The following UBE2R2 variants were observed in gnomAD, a reference collection of about 807,000 sequenced individuals.
UBE2R2 encodes the protein ubiquitin conjugating enzyme E2 R2.
Under a neutral mutation model 27.8 loss-of-function variants are expected in UBE2R2, and 1 was observed. That is an observed-to-expected ratio of 0.04 (90% confidence interval 0.01 to 0.17). The LOEUF (loss-of-function observed/expected upper bound fraction) is 0.17, where lower values mean the gene tolerates loss of function less well. UBE2R2 is among the 10% of genes least tolerant of loss of function. UBE2R2 has a pLI of 1.00. For synonymous variants in UBE2R2, 106 were observed against 113.3 expected, an observed-to-expected ratio of 0.94 and a Z score of 0.41; for missense variants, 100 against 291.0, an observed-to-expected ratio of 0.34 and a Z score of 4.78.
chr9:33,843,411 T>C (rs922868835), intron 1 of UBE2R2, among the ~76,000 whole-genome samples: 1 of 151,440 alleles, frequency 6.6e-6, no homozygotes, highest in Non-Finnish European at 1.5e-5. Flanking sequence ...ATGCAGCAAG[T>C]AGAAAAAAAG....
At chr9:33,837,665 T>C (rs1294761381) in intron 1 of UBE2R2, among the ~76,000 whole-genome samples, 2 of 151,988 alleles carry the variant, frequency 1.3e-5, no homozygotes, top group South Asian at 2.1e-4. Context: ...GCTCAATTGA[T>C]CTACCTGCCT....
intron 1 of UBE2R2, among the ~76,000 whole-genome samples, chr9:33,859,799 T>TGTGTGTGTGAGA (rs766779268): frequency 7.2e-4 from 62 of 86,582 alleles, no homozygotes; most frequent in East Asian, 3.8e-3. Context: ...TGTGTGTGTG[T>TGTGTGTGTGAGA]GAGAGAGAGA....
At chr9:33,861,844 T>A (rs1319920805) in intron 1 of UBE2R2, among the ~76,000 whole-genome samples, 1 of 148,888 alleles carries the variant, frequency 6.7e-6, no homozygotes, top group African/African-American at 2.4e-5. Context: ...GTTGATCCAC[T>A]TTCTTTTTTT....
chr9:33,871,617 A>G (rs1821485523), intron 1 of UBE2R2, among the ~76,000 whole-genome samples: 1 of 152,222 alleles, frequency 6.6e-6, no homozygotes, highest in Non-Finnish European at 1.5e-5. Flanking sequence ...TATTAGTCAA[A>G]AAAGATGTAA....
intron 1 of UBE2R2, among the ~76,000 whole-genome samples, chr9:33,836,772 T>A (rs560374013): frequency 0.011 from 1,632 of 150,632 alleles, 19 homozygotes; most frequent in Non-Finnish European, 0.017. Flanking sequence ...AAAAAAAATA[T>A]ATATATATAT....
chr9:33,830,471 A>G (rs1037083217), intron 1 of UBE2R2, among the ~76,000 whole-genome samples: 2 of 148,144 alleles, frequency 1.4e-5, no homozygotes, highest in Non-Finnish European at 3.0e-5. Context: ...AATTCTTTAG[A>G]TATCTGCTTT....
intron 1 of UBE2R2, among the ~76,000 whole-genome samples, chr9:33,855,433 CTT>C (rs1821079652): frequency 6.6e-6 from 1 of 152,094 alleles, no homozygotes; most frequent in African/African-American, 2.4e-5. Context: ...TGTATGTACT[CTT>C]TGAGTGATTA....
intron 4 of UBE2R2, among the ~76,000 whole-genome samples, chr9:33,916,772 A>G (rs952565691): frequency 5.3e-5 from 8 of 152,160 alleles, no homozygotes; most frequent in African/African-American, 1.9e-4. Context: ...TAATTGATCC[A>G]CTGCTTTAAA....
At chr9:33,820,308 T>C (rs1230154542) in intron 1 of UBE2R2, among the ~76,000 whole-genome samples, 5 of 152,250 alleles carry the variant, frequency 3.3e-5, no homozygotes, top group African/African-American at 4.8e-5. Context: ...TTTAATCTCG[T>C]GCTTTGTGAT....
In UBE2R2 at chr9:33,918,262, T is replaced by C. The variant is rs1458871507; in HGVS notation, c.*1025T>C. ...TTTTTGTTTTTTAAGTAGCCACTTT[T>C]AATTACTCAGTATTAATCCTAGGTG... On this transcript the variant is annotated 3_prime_UTR_variant, in exon 5 of 5. Transcript: ENST00000263228. 1.3e-5 allele frequency: 2 copies of C among 152,178 alleles called. No homozygotes were observed. The highest frequency in any genetic ancestry group is 2.9e-5 in the Non-Finnish European group (2 of 68,030). The allele number at this position is 152,178 out of a possible 1,614,324, so 9.4% of individuals were successfully genotyped here. A position where few individuals can be genotyped will look rare whatever the true frequency, so the allele number is the denominator to read the frequency against.
intron 3 of UBE2R2, among the ~76,000 whole-genome samples, chr9:33,911,276 C>G (rs1402361071): frequency 6.7e-6 from 1 of 149,970 alleles, no homozygotes; most frequent in African/African-American, 2.5e-5. Context: ...GGCATGGTGG[C>G]AGGCGCCTGT....
At chr9:33,819,644 CT>C (rs34319188) in intron 1 of UBE2R2, among the ~76,000 whole-genome samples, 26 of 148,396 alleles carry the variant, frequency 1.8e-4, no homozygotes, top group South Asian at 2.1e-4. Flanking sequence ...TGATACCTTT[CT>C]TTTTTTTTTT....
chr9:33,823,716 G>A (rs1294396757), intron 1 of UBE2R2, among the ~76,000 whole-genome samples: 1 of 152,164 alleles, frequency 6.6e-6, no homozygotes, highest in Non-Finnish European at 1.5e-5. Context: ...GCCTTTTTGA[G>A]ACAGGGATTC....
chr9:33,819,077 A>G lies in UBE2R2; in HGVS notation c.177+1143A>G, dbSNP rs543655050. On this transcript the variant is annotated intron_variant, in intron 1 of 4. Transcript: ENST00000263228. ...TGAATATTTTAAATGATGGGGGCAGAGAGAGGAAATGAGTGCTTAGGAATC... is the reference window on the plus strand; with the variant it reads ...TGAATATTTTAAATGATGGGGGCAGGGAGAGGAAATGAGTGCTTAGGAATC... Among the ~76,000 whole-genome samples the G allele has an allele frequency of 1.7e-3, 255 of 152,296 alleles. 1 individual carries two copies. Among genetic ancestry groups the G allele is most frequent in the Middle Eastern group, 3.4e-3 (1 of 294 alleles).
chr9:33,837,762 C>G (rs1220584955), intron 1 of UBE2R2, among the ~76,000 whole-genome samples: 1 of 151,928 alleles, frequency 6.6e-6, no homozygotes, highest in Admixed American at 6.6e-5. Context: ...ATATGTTGCC[C>G]AGGCTGGTCT....
chr9:33,917,464 C>T lies in UBE2R2; in HGVS notation c.*227C>T. ...AATGTCTGAATTCTTGCATTCTTTA[C>T]CCTTCCATCACTATATTGATTCTTT... On this transcript the variant is annotated 3_prime_UTR_variant, in exon 5 of 5. Transcript: ENST00000263228. 4.8e-6 allele frequency: 3 copies of T among 628,354 alleles called. No homozygotes were observed. The highest frequency in any genetic ancestry group is 2.8e-5 in the East Asian group (1 of 35,446). 38.9% of individuals were successfully genotyped at this position (628,354 alleles called of 1,614,324 possible). A position where few individuals can be genotyped will look rare whatever the true frequency, so the allele number is the denominator to read the frequency against.
intron 1 of UBE2R2, among the ~76,000 whole-genome samples, chr9:33,840,379 TATG>T (rs1820705167): frequency 6.6e-6 from 1 of 152,226 alleles, no homozygotes; most frequent in Non-Finnish European, 1.5e-5. Flanking sequence ...TATTTAGTGT[TATG>T]ATGTCTTTTA....
intron 2 of UBE2R2, among the ~76,000 whole-genome samples, chr9:33,897,295 C>T (rs1822133996): frequency 6.7e-6 from 1 of 149,428 alleles, no homozygotes; most frequent in Non-Finnish European, 1.5e-5. Flanking sequence ...CTCGGCCTCC[C>T]AAAGTGCTGG....
At chr9:33,844,735 C>T (rs1225561544) in intron 1 of UBE2R2, among the ~76,000 whole-genome samples, 1 of 151,840 alleles carries the variant, frequency 6.6e-6, no homozygotes, top group Non-Finnish European at 1.5e-5. Flanking sequence ...GTTGAGTCCT[C>T]TAGAGCCAAG....
Sources: allele counts gnomAD v4.1 joint callset (sites outside exome capture counted in the v4.1 genomes callset), GRCh38; gene constraint gnomAD v4.1.1; transcripts MANE v1.5; gene names NCBI Gene and HGNC (gene_info 2026-07-23, HGNC 2026-07-21).